Variants in MYO10 observed in about 807,000 individuals in gnomAD.
The protein encoded by MYO10 is unconventional myosin-X.
A neutral mutation model predicts 257.3 loss-of-function variants in MYO10; 133 were observed. The ratio of observed to expected loss-of-function variants is 0.52; its 90% CI spans 0.45 to 0.60. The LOEUF is 0.60. MYO10 is among the 20% of genes least tolerant of loss of function. The probability of loss-of-function intolerance (pLI) is 0.00; values close to 1 mark genes in which losing one functional copy is unlikely to be tolerated. For missense variants in MYO10, 2,399 were observed against 2,635.7 expected, an observed-to-expected ratio of 0.91 and a Z score of 1.97; for synonymous variants, 1,104 against 1,028.6, an observed-to-expected ratio of 1.07 and a Z score of -1.40.
chr5:16,714,369 G>C (rs950900070), intron 19 of MYO10, among the ~76,000 whole-genome samples: 1 of 152,082 alleles, frequency 6.6e-6, no homozygotes, highest in South Asian at 2.1e-4. Flanking sequence ...GGAACAGAGG[G>C]GGAAGGACCT....
chr5:16,739,334 T>C (rs1430245824), intron 19 of MYO10, among the ~76,000 whole-genome samples: 1 of 149,230 alleles, frequency 6.7e-6, no homozygotes, highest in East Asian at 1.9e-4. Context: ...AAATTTCTTG[T>C]TTCTGTTTTT....
At chr5:16,694,737 G>T in intron 26 of MYO10, 123 bp from the exon 27 acceptor site, 1 of 1,271,982 alleles carries the variant, frequency 7.9e-7, no homozygotes, top group Non-Finnish European at 1.1e-6. Flanking sequence ...CCGCAGCACC[G>T]CAGAGACCCC....
intron 2 of MYO10, among the ~76,000 whole-genome samples, chr5:16,853,373 CAAA>C (rs5866209): frequency 7.7e-6 from 1 of 129,368 alleles, no homozygotes. Flanking sequence ...GACTCCGTCT[CAAA>C]AAAAAAAAAA....
chr5:16,796,401 GAAAA>G (rs1741958370), intron 3 of MYO10, among the ~76,000 whole-genome samples: 1 of 126,620 alleles, frequency 7.9e-6, no homozygotes, highest in African/African-American at 3.0e-5. Flanking sequence ...CAACACAAAA[GAAAA>G]AGAAAGGAAA....
At chr5:16,779,943 C>T (rs189659425) in intron 8 of MYO10, among the ~76,000 whole-genome samples, 187 of 152,246 alleles carry the variant, frequency 1.2e-3, no homozygotes, top group African/African-American at 3.9e-3. Flanking sequence ...GCTCTGTCAC[C>T]CAGGCTGGAG....
chr5:16,816,635 A>T (rs564646268), intron 3 of MYO10, among the ~76,000 whole-genome samples: 1 of 150,716 alleles, frequency 6.6e-6, no homozygotes, highest in African/African-American at 2.4e-5. Context: ...GGTTCAAGCG[A>T]TTCTCCTGCC....
chr5:16,856,419 G>A (rs1037840750), intron 2 of MYO10, among the ~76,000 whole-genome samples: 4 of 151,978 alleles, frequency 2.6e-5, no homozygotes, highest in Non-Finnish European at 5.9e-5. Flanking sequence ...GCGTGGTGGT[G>A]TACACCTGTA....
At chr5:16,754,271 T>C (rs550522575) in intron 19 of MYO10, among the ~76,000 whole-genome samples, 4 of 152,156 alleles carry the variant, frequency 2.6e-5, no homozygotes, top group Non-Finnish European at 5.9e-5. Flanking sequence ...ACATTCCTTG[T>C]AATCGGATTA....
chr5:16,769,772 T>TA, intron 9 of MYO10, among the ~76,000 whole-genome samples: 1 of 152,300 alleles, frequency 6.6e-6, no homozygotes, highest in East Asian at 1.9e-4. Flanking sequence ...AAGCCTCCTA[T>TA]ATATGCTACA....
rs767282694 is a variant in MYO10 at position 16,761,554 on chromosome 5, T to C, written c.1657-8A>G. 1 of 1,604,990 alleles carries C rather than the reference T, an allele frequency of 6.2e-7. No homozygotes were observed. The highest frequency in any genetic ancestry group is 8.5e-7 in the Non-Finnish European group (1 of 1,172,074). ...TCGGACATCATATTGCACCTAGTTT[T>C]AATAAATAAGAGAGGAGAAAACTGA... On this transcript the variant is annotated splice_region_variant and splice_polypyrimidine_tract_variant and intron_variant, in intron 16 of 40. Coordinates refer to ENST00000513610, the MANE Select transcript of MYO10 (RefSeq NM_012334.3).
At chr5:16,671,735 G>A (rs1231602483) in intron 37 of MYO10, among the ~76,000 whole-genome samples, 193 bp from the exon 38 acceptor site, 1 of 152,176 alleles carries the variant, frequency 6.6e-6, no homozygotes, top group African/African-American at 2.4e-5. Flanking sequence ...TTTGCTTTAA[G>A]AAAACAAACA....
At chr5:16,916,978 A>T (rs1279471910) in intron 1 of MYO10, among the ~76,000 whole-genome samples, 1 of 152,162 alleles carries the variant, frequency 6.6e-6, no homozygotes, top group Admixed American at 6.5e-5. Flanking sequence ...GAAATATACA[A>T]ATCAGGTCCG....
In MYO10 at chr5:16,704,781, T is replaced by C. The variant is rs1027085179; in HGVS notation, c.2170-96A>G. On this transcript the variant is annotated intron_variant, in intron 21 of 40. Coordinates refer to ENST00000513610, the MANE Select transcript of MYO10 (RefSeq NM_012334.3). ...AGATATCTTCTGGAGTTAAGGCTTTTTTCTCTTAGTTTGATCCACCACATG... is the reference window on the plus strand; with the variant it reads ...AGATATCTTCTGGAGTTAAGGCTTTCTTCTCTTAGTTTGATCCACCACATG... 1.2e-5 allele frequency: 11 copies of C among 902,634 alleles called. No individual in the cohort carries two copies. In the African/African-American group the frequency reaches 1.8e-4, roughly 15 times the overall value. 55.9% of individuals were successfully genotyped at this position (902,634 alleles called of 1,614,324 possible).
At chr5:16,865,811 G>GATGATAATA (rs1554004308) in intron 2 of MYO10, among the ~76,000 whole-genome samples, 79 of 142,630 alleles carry the variant, frequency 5.5e-4, no homozygotes, top group African/African-American at 2.2e-3. Flanking sequence ...ACTCCGTCTC[G>GATGATAATA]ATAATAATAA....
chr5:16,747,182 T>C (rs1740219582), intron 19 of MYO10, among the ~76,000 whole-genome samples: 1 of 151,816 alleles, frequency 6.6e-6, no homozygotes, highest in Admixed American at 6.6e-5. Flanking sequence ...CTGAGGGAGG[T>C]AGACAGGGCG....
chr5:16,746,474 A>G (rs1032846575), intron 19 of MYO10, among the ~76,000 whole-genome samples: 2 of 152,160 alleles, frequency 1.3e-5, no homozygotes, highest in African/African-American at 4.8e-5. Flanking sequence ...CTACCACCCA[A>G]GCAGCCACCA....
intron 1 of MYO10, among the ~76,000 whole-genome samples, chr5:16,901,838 A>G (rs1284661598): frequency 1.3e-5 from 2 of 151,918 alleles, no homozygotes; most frequent in East Asian, 3.9e-4. Flanking sequence ...CCCACCCCTA[A>G]CTGCTTGGTT....
intron 1 of MYO10, among the ~76,000 whole-genome samples, chr5:16,891,388 G>C (rs1014710814): frequency 6.8e-6 from 1 of 147,550 alleles, no homozygotes; most frequent in African/African-American, 2.6e-5. Context: ...AGGAGAGAGA[G>C]AGGAAGGAGG....
At chr5:16,784,797 A>G (rs549770045) in intron 4 of MYO10, among the ~76,000 whole-genome samples, 1 of 152,302 alleles carries the variant, frequency 6.6e-6, no homozygotes, top group East Asian at 1.9e-4. Context: ...AATCAATTGC[A>G]TGTAATAAAA....
Sources: gnomAD v4.1 joint callset for allele counts (sites outside exome capture counted in the v4.1 genomes callset) on GRCh38, gnomAD v4.1.1 for gene constraint, MANE v1.5 for transcripts, NCBI Gene and HGNC (gene_info 2026-07-23, HGNC 2026-07-21) for gene names.